The following NCF2 variants were observed in gnomAD, a reference collection of about 807,000 sequenced individuals.
The protein encoded by NCF2 is neutrophil cytosolic factor 2, also known as neutrophil cytosol factor 2.
In NCF2, 45 loss-of-function variants were observed where a neutral mutation model predicts 70.9. The observed-to-expected ratio is 0.63, with a 90% CI of 0.50 to 0.81. The LOEUF (loss-of-function observed/expected upper bound fraction) is 0.81, where lower values mean the gene tolerates loss of function less well. Ranked by LOEUF, NCF2 falls within the 40% of genes least tolerant of loss-of-function variation. NCF2 has a pLI of 0.00. For synonymous variants in NCF2, 203 were observed against 233.6 expected (o/e 0.87, Z 1.19); for missense variants, 522 against 631.6 (o/e 0.83, Z 1.86).
At chr1:183,599,423 C>CTTTCTCTCTTTCTTTCT in the NCF2 span, among the ~76,000 whole-genome samples, 2 of 107,426 alleles carry the variant, frequency 1.9e-5, no homozygotes, top group African/African-American at 7.6e-5. Flanking sequence ...TCTTTCTTTC[C>CTTTCTCTCTTTCTTTCT]TTCTTTCTTT....
chr1:183,561,921 A>G (rs780898644), intron 13 of NCF2, among the ~76,000 whole-genome samples: 101 of 148,850 alleles, frequency 6.8e-4, no homozygotes, highest in Middle Eastern at 3.5e-3. Flanking sequence ...CAGCCTCCCA[A>G]GTAGCTGGGA....
the NCF2 span, among the ~76,000 whole-genome samples, chr1:183,599,450 CTT>C: frequency 1.4e-4 from 13 of 91,334 alleles, no homozygotes; most frequent in African/African-American, 4.6e-4. Flanking sequence ...TTCTTTCTTT[CTT>C]TCTTTCTTTC....
intron 7 of NCF2, chr1:183,567,589 G>A: frequency 1.6e-6 from 1 of 615,220 alleles, no homozygotes; most frequent in Non-Finnish European, 3.0e-6. Flanking sequence ...CACAACACTA[G>A]ATAGTGAGGA....
chr1:183,573,093 G>A, intron 5 of NCF2, 92 bp downstream of exon 5: 1 of 1,162,522 alleles, frequency 8.6e-7, no homozygotes, highest in Non-Finnish European at 1.3e-6. Flanking sequence ...AGAGCCACAA[G>A]GAGGCTACCC....
chr1:183,558,428 C>T (rs1420673939), intron 14 of NCF2, among the ~76,000 whole-genome samples: 2 of 150,342 alleles, frequency 1.3e-5, no homozygotes, highest in African/African-American at 4.9e-5. Flanking sequence ...CCACTATACC[C>T]GGCTAATTTT....
chr1:183,577,991 T>G (rs1454067025), intron 2 of NCF2, among the ~76,000 whole-genome samples: 1 of 152,224 alleles, frequency 6.6e-6, no homozygotes, highest in African/African-American at 2.4e-5. Flanking sequence ...AACTGTCACC[T>G]TTCTGACAAC....
intron 3 of NCF2, among the ~76,000 whole-genome samples, chr1:183,576,168 A>G (rs534330412): frequency 2.4e-4 from 37 of 152,322 alleles, no homozygotes; most frequent in African/African-American, 8.4e-4. Context: ...GAGAAGGATT[A>G]TAAGTAGGGA....
At chr1:183,574,379 T>A in intron 4 of NCF2, 108 bp downstream of exon 4, 1 of 1,494,644 alleles carries the variant, frequency 6.7e-7, no homozygotes, top group Non-Finnish European at 9.3e-7. Context: ...TTACCCAGAC[T>A]CACAGAAAGT....
At chr1:183,599,988 T>C in the NCF2 span, among the ~76,000 whole-genome samples, 1 of 152,252 alleles carries the variant, frequency 6.6e-6, no homozygotes, top group Non-Finnish European at 1.5e-5. Context: ...CTGAATCTTC[T>C]TAACATATTA....
chr1:183,601,776 T>C, the NCF2 span, among the ~76,000 whole-genome samples: 1 of 150,528 alleles, frequency 6.6e-6, no homozygotes, highest in Non-Finnish European at 1.5e-5. Flanking sequence ...AAGAATGGCG[T>C]GAACCCAGGA....
At chr1:183,567,602 T>TA in intron 7 of NCF2, 1 of 573,836 alleles carries the variant, frequency 1.7e-6, no homozygotes, top group Non-Finnish European at 3.2e-6. Context: ...AGTGAGGACT[T>TA]ACAATCCTTG....
upstream of NCF2, among the ~76,000 whole-genome samples, chr1:183,592,900 C>T (rs3905122): frequency 0.029 from 4,474 of 152,216 alleles, 230 homozygotes; most frequent in African/African-American, 0.1. Context: ...CTGTGCGACT[C>T]GTGCTAGTTC....
At chr1:183,599,185 C>A in the NCF2 span, among the ~76,000 whole-genome samples, 1 of 151,992 alleles carries the variant, frequency 6.6e-6, no homozygotes. Context: ...GAGTTTGAGA[C>A]CACCCTGGGA....
chr1:183,597,511 G>A, the NCF2 span, among the ~76,000 whole-genome samples: 56 of 152,246 alleles, frequency 3.7e-4, no homozygotes, highest in African/African-American at 1.3e-3. Context: ...GGTTTGTCAC[G>A]TGGTATATTG....
At chr1:183,574,087 C>G (rs955170761) in intron 4 of NCF2, among the ~76,000 whole-genome samples, 1 of 152,244 alleles carries the variant, frequency 6.6e-6, no homozygotes, top group African/African-American at 2.4e-5. Flanking sequence ...GAGACTCCAT[C>G]TCAAAACAAA....
At chr1:183,597,017 C>G in the NCF2 span, among the ~76,000 whole-genome samples, 1 of 152,182 alleles carries the variant, frequency 6.6e-6, no homozygotes, top group Non-Finnish European at 1.5e-5. Context: ...TATTTCTTTA[C>G]ATTTTCCACA....
chr1:183,601,501 T>C, the NCF2 span, among the ~76,000 whole-genome samples: 6 of 152,292 alleles, frequency 3.9e-5, no homozygotes, highest in South Asian at 1.2e-3. Context: ...TTTAAAAGTA[T>C]AACTAGCACA....
At chr1:183,595,539 C>T (rs750280877), upstream of NCF2, among the ~76,000 whole-genome samples, 5 of 152,144 alleles carry the variant, frequency 3.3e-5, no homozygotes, top group Non-Finnish European at 7.3e-5. Flanking sequence ...AGGCTGAGAT[C>T]GAGGTGTTAT....
intron 9 of NCF2, 103 bp from the exon 10 acceptor site, chr1:183,565,882 C>T (rs931555641): frequency 1.8e-6 from 2 of 1,131,086 alleles, no homozygotes; most frequent in African/African-American, 3.1e-5. Context: ...AAAGGAGCCA[C>T]ATGCAGATAA....
Sources: gnomAD v4.1 joint callset for allele counts (sites outside exome capture counted in the v4.1 genomes callset) on GRCh38, gnomAD v4.1.1 for gene constraint, MANE v1.5 for transcripts, NCBI Gene and HGNC (gene_info 2026-07-23, HGNC 2026-07-21) for gene names.